The following MSR1 variants were observed in gnomAD, a reference collection of about 807,000 sequenced individuals.
MSR1 encodes macrophage scavenger receptor 1.
A neutral mutation model predicts 47.2 loss-of-function variants in MSR1; 53 were observed. The ratio of observed to expected loss-of-function variants is 1.12; its 90% CI spans 0.90 to 1.41. The LOEUF is 1.41. Ranked by LOEUF, MSR1 falls within the 40% of genes most tolerant of loss-of-function variation. The pLI, the probability that MSR1 is intolerant of heterozygous loss-of-function variation, is 0.00. For missense variants in MSR1, 786 were observed against 546.9 expected (o/e 1.44, Z -4.36); for synonymous variants, 239 against 185.6 (o/e 1.29, Z -2.34).
At chr8:16,166,654 G>C (rs1801319926) in intron 4 of MSR1, among the ~76,000 whole-genome samples, 2 of 151,914 alleles carry the variant, frequency 1.3e-5, no homozygotes, top group Admixed American at 1.3e-4. Flanking sequence ...TAATTTTGTA[G>C]TCGTACAGTC....
rs76137532 is a variant in MSR1, at chr8:16,187,402, AAAGCAAGCAAGC to A, written c.-5+5184_-5+5195del. ...AAAAAAAAAAAAAGGAAAGAAAGAA[AAAGCAAGCAAGC>A]AAGCAAGCTGACTGTTCCTGAACAT... On this transcript the variant is annotated intron_variant, in intron 1 of 9. Coordinates refer to ENST00000262101, the MANE Select transcript of MSR1 (RefSeq NM_138715.3). Among the ~76,000 whole-genome samples, 9 of 141,890 alleles carry A rather than the reference AAAGCAAGCAAGC, an allele frequency of 6.3e-5. No individual in the cohort carries two copies. The East Asian group carries it at 1.9e-3, about 30-fold the overall frequency. 93.1% of individuals were successfully genotyped at this position (141,890 alleles called of 152,430 possible). A position where few individuals can be genotyped will look rare whatever the true frequency, so the allele number is the denominator to read the frequency against.
In MSR1 at chr8:16,175,206, A is replaced by G. The variant is rs375663476; in HGVS notation, c.198T>C (p.Pro66=). The G allele has an allele frequency of 3.7e-6, 6 of 1,613,994 alleles. No individual in the cohort carries two copies. The highest frequency in any genetic ancestry group is 5.1e-6 in the Non-Finnish European group (6 of 1,179,930). Residue 66 remains proline, a synonymous_variant, in exon 3 of 10, where the codon CCT becomes CCC. Transcript: ENST00000262101. The part of the protein sequence containing the change: ...LYLLVFAVLI[P]LIGIVAAQLL... ...CGTTACCTGCCACTATTCCAATGAG[A>G]GGGATGAGAACTGCAAACACGAGGA...
At chr8:16,139,766 A>G in intron 8 of MSR1, 1 of 158,528 alleles carries the variant, frequency 6.3e-6, no homozygotes, top group East Asian at 1.2e-3. Flanking sequence ...AAAAAAAAAA[A>G]AAAAAAAAAT....
At chr8:16,125,144 C>T (rs1174437517) in intron 8 of MSR1, among the ~76,000 whole-genome samples, 1 of 152,122 alleles carries the variant, frequency 6.6e-6, no homozygotes, top group African/African-American at 2.4e-5. Flanking sequence ...ATCTTGTCAG[C>T]TCAGTGAGCA....
chr8:16,178,985 G>A (rs1801743589), intron 1 of MSR1, among the ~76,000 whole-genome samples: 1 of 152,142 alleles, frequency 6.6e-6, no homozygotes, highest in South Asian at 2.1e-4. Context: ...ATACAGCAAT[G>A]TATTAAACTT....
At position 16,168,626 on chromosome 8, in the gene MSR1, G is replaced by T; in HGVS notation, c.462C>A (p.Asp154Glu). 6.2e-7 allele frequency: 1 copy of T among 1,614,126 alleles called. No homozygotes were observed. Among genetic ancestry groups the T allele is most frequent in the Non-Finnish European group, 8.5e-7 (1 of 1,179,994 alleles). ...FSMTTDQRFN[D>E]ILLQLSTLFS... ...ACAAGGTACTTAGCTGCAGAAGAAT[G>T]TCATTAAATCTTTGATCAGTTGTCA... The change falls in exon 4 of 10, where the codon GAC (aspartate) becomes GAA (glutamate). Residue 154 changes from aspartate to glutamate, a missense_variant. Asp to Glu is a conservative substitution (Grantham distance 45, BLOSUM62 2). Coordinates refer to ENST00000262101, the MANE Select transcript of MSR1 (RefSeq NM_138715.3).
chr8:16,186,275 G>C, intron 1 of MSR1: 2 of 1,344,320 alleles, frequency 1.5e-6, no homozygotes, highest in Non-Finnish European at 2.0e-6. Flanking sequence ...AGCAGAGTGA[G>C]CCAGGGTCCA....
At chr8:16,156,228 T>G (rs1801001702) in intron 5 of MSR1, among the ~76,000 whole-genome samples, 1 of 151,940 alleles carries the variant, frequency 6.6e-6, no homozygotes, top group South Asian at 2.1e-4. Flanking sequence ...CATTTTCAAT[T>G]GCTAGTTTGG....
In MSR1 at chr8:16,109,123, T is replaced by A. The variant is rs552969425; in HGVS notation, c.*962A>T. On this transcript the variant is annotated 3_prime_UTR_variant, in exon 10 of 10. Transcript: ENST00000262101. ...AACAAAAGGTTGCTAAACTACTTTT[T>A]TGGGGCATGCTCAGAGTTATTGTCC... is the stretch of plus-strand genomic sequence containing the variant. The A allele has an allele frequency of 1.3e-5, 2 of 151,912 alleles. No homozygotes were observed. Among genetic ancestry groups the A allele is most frequent in the African/African-American group, 4.8e-5 (2 of 41,352 alleles). 9.4% of individuals were successfully genotyped at this position (151,912 alleles called of 1,614,324 possible).
intron 1 of MSR1, among the ~76,000 whole-genome samples, chr8:16,185,156 G>A (rs1414634832): frequency 4.7e-5 from 7 of 149,200 alleles, no homozygotes; most frequent in Non-Finnish European, 4.5e-5. Context: ...ATATTTTCCA[G>A]AAAAAAAAAA....
intron 5 of MSR1, among the ~76,000 whole-genome samples, chr8:16,159,440 C>A (rs1488576055): frequency 1.4e-4 from 22 of 151,830 alleles, no homozygotes. Flanking sequence ...ATTATTATAA[C>A]TATTTGAGAA....
chr8:16,173,089 G>C (rs2117195631), intron 3 of MSR1, among the ~76,000 whole-genome samples: 1 of 152,290 alleles, frequency 6.6e-6, no homozygotes, highest in East Asian at 1.9e-4. Flanking sequence ...ATCTGATACT[G>C]ATGTGTACTT....
chr8:16,168,532 T>C lies in MSR1; in HGVS notation c.556A>G (p.Thr186Ala), dbSNP rs764158640. 1.2e-6 allele frequency: 2 copies of C among 1,614,174 alleles called. No individual in the cohort carries two copies. Among genetic ancestry groups the C allele is most frequent in the Admixed American group, 1.7e-5 (1 of 60,024 alleles). Residue 186 changes from threonine to alanine, a missense_variant, in exon 4 of 10, where the codon ACA (threonine) becomes GCA (alanine). Physicochemically the swap from Thr to Ala is moderately conservative, Grantham distance 58. Transcript: ENST00000262101. ...ATGTTGAGCTGCAAATCAAGCAATG[T>C]GGTATTCAAACTTATTAAGGACTTG... The part of the protein sequence containing the change: ...ISKSLISLNT[T>A]LLDLQLNIEN...
chr8:16,169,886 A>G, intron 3 of MSR1, among the ~76,000 whole-genome samples: 1 of 150,194 alleles, frequency 6.7e-6, no homozygotes, highest in East Asian at 1.9e-4. Context: ...TATTTCCCAA[A>G]TTAAAAAAAA....
At chr8:16,125,978 A>G (rs1800119394) in intron 8 of MSR1, among the ~76,000 whole-genome samples, 1 of 152,116 alleles carries the variant, frequency 6.6e-6, no homozygotes, top group Non-Finnish European at 1.5e-5. Context: ...AAGATGGTAA[A>G]TGTGAACATT....
At chr8:16,150,061 G>T (rs1800805044) in intron 7 of MSR1, among the ~76,000 whole-genome samples, 170 bp downstream of exon 7, 1 of 149,194 alleles carries the variant, frequency 6.7e-6, no homozygotes, top group African/African-American at 2.5e-5. Flanking sequence ...TTCACACAAT[G>T]ACCACTTTTT....
chr8:16,173,701 C>G (rs1268692974), intron 3 of MSR1, among the ~76,000 whole-genome samples: 2 of 151,904 alleles, frequency 1.3e-5, no homozygotes, highest in Non-Finnish European at 2.9e-5. Flanking sequence ...CAGGCTGGAG[C>G]ACAGTGGCGC....
intron 5 of MSR1, among the ~76,000 whole-genome samples, chr8:16,156,610 T>G (rs761513123): frequency 6.6e-6 from 1 of 151,850 alleles, no homozygotes; most frequent in African/African-American, 2.4e-5. Context: ...ATAGGAAACA[T>G]AAAAGCCTAG....
chr8:16,186,837 C>T (rs1259748562), intron 1 of MSR1, among the ~76,000 whole-genome samples: 2 of 151,304 alleles, frequency 1.3e-5, no homozygotes, highest in Non-Finnish European at 2.9e-5. Flanking sequence ...TGATCTCAAA[C>T]TCTTTAGCCT....
Sources: gnomAD v4.1 joint callset for allele counts (sites outside exome capture counted in the v4.1 genomes callset) on GRCh38, gnomAD v4.1.1 for gene constraint, MANE v1.5 for transcripts, NCBI Gene and HGNC (gene_info 2026-07-23, HGNC 2026-07-21) for gene names.